The following PCDH9 variants were observed in gnomAD, a reference collection of about 807,000 sequenced individuals.
The protein encoded by PCDH9 is protocadherin 9.
A neutral mutation model predicts 70.6 loss-of-function variants in PCDH9; 24 were observed. That is an observed-to-expected ratio of 0.34 (90% CI 0.25 to 0.48). The LOEUF is 0.48. Among genes scored for constraint, PCDH9 ranks in the 20% least tolerant of loss-of-function variants. The pLI is 0.99. For missense variants in PCDH9, 1,281 were observed against 1,503.6 expected (o/e 0.85, Z 2.45); for synonymous variants, 562 against 558.5 (o/e 1.01, Z -0.09).
intron 2 of PCDH9, among the ~76,000 whole-genome samples, chr13:67,196,488 T>G (rs1300019775): frequency 6.6e-6 from 1 of 152,022 alleles, no homozygotes; most frequent in Non-Finnish European, 1.5e-5. Flanking sequence ...AACAAAAACA[T>G]ACTAATTCAT....
At chr13:66,475,063 A>T (rs776783543) in intron 4 of PCDH9, among the ~76,000 whole-genome samples, 1 of 152,152 alleles carries the variant, frequency 6.6e-6, no homozygotes, top group Non-Finnish European at 1.5e-5. Flanking sequence ...AAGGACTTCC[A>T]GACTGGTAGA....
At chr13:66,981,073 C>T (rs945108664) in intron 2 of PCDH9, among the ~76,000 whole-genome samples, 62 of 152,032 alleles carry the variant, frequency 4.1e-4, no homozygotes, top group African/African-American at 1.5e-3. Flanking sequence ...TAACAGAATA[C>T]ACAAATAAAC....
chr13:66,484,890 TA>T (rs1225335708), intron 4 of PCDH9, among the ~76,000 whole-genome samples: 1 of 152,204 alleles, frequency 6.6e-6, no homozygotes, highest in Non-Finnish European at 1.5e-5. Context: ...GAGTGCTTTG[TA>T]AAATGAAGCA....
At chr13:66,668,000 A>C (rs947846763) in intron 3 of PCDH9, among the ~76,000 whole-genome samples, 5 of 152,180 alleles carry the variant, frequency 3.3e-5, no homozygotes, top group African/African-American at 1.2e-4. Context: ...TTGCACATCT[A>C]ATTTTACAGT....
chr13:67,003,708 C>A (rs2084290736), intron 2 of PCDH9, among the ~76,000 whole-genome samples: 1 of 152,172 alleles, frequency 6.6e-6, no homozygotes, highest in Non-Finnish European at 1.5e-5. Flanking sequence ...AGCCTGTCCC[C>A]ACTGCGAAAT....
intron 4 of PCDH9, among the ~76,000 whole-genome samples, chr13:66,459,362 T>C (rs1408887943): frequency 6.6e-6 from 1 of 152,022 alleles, no homozygotes; most frequent in East Asian, 1.9e-4. Context: ...ATTTATAACA[T>C]TGGGTAAGAT....
intron 2 of PCDH9, among the ~76,000 whole-genome samples, chr13:67,178,070 A>G (rs887101400): frequency 3.9e-5 from 6 of 152,070 alleles, no homozygotes; most frequent in African/African-American, 1.2e-4. Context: ...AACAGGCACT[A>G]AATGCTATTG....
At chr13:66,980,722 TTTTC>T (rs1311929406) in intron 2 of PCDH9, among the ~76,000 whole-genome samples, 2 of 121,466 alleles carry the variant, frequency 1.6e-5, no homozygotes, top group African/African-American at 7.1e-5. Flanking sequence ...TTTCCTGTTT[TTTTC>T]TTTGTTTTTT....
At chr13:66,572,060 A>C (rs1343358189) in intron 4 of PCDH9, among the ~76,000 whole-genome samples, 1 of 152,092 alleles carries the variant, frequency 6.6e-6, no homozygotes, top group Non-Finnish European at 1.5e-5. Context: ...TCTTAAACTT[A>C]TGACTCTTTT....
intron 3 of PCDH9, among the ~76,000 whole-genome samples, chr13:66,803,131 G>A (rs1314254281): frequency 1.3e-5 from 2 of 152,096 alleles, no homozygotes; most frequent in African/African-American, 4.8e-5. Context: ...AATTAATTAT[G>A]ATGTCAGCCT....
At chr13:66,808,081 T>C (rs2080439406) in intron 3 of PCDH9, among the ~76,000 whole-genome samples, 2 of 152,140 alleles carry the variant, frequency 1.3e-5, no homozygotes, top group Non-Finnish European at 2.9e-5. Flanking sequence ...AATTTGCATC[T>C]GGATTTAGGC....
At chr13:66,544,653 A>T (rs1291262419) in intron 4 of PCDH9, among the ~76,000 whole-genome samples, 2 of 152,078 alleles carry the variant, frequency 1.3e-5, no homozygotes, top group Non-Finnish European at 2.9e-5. Context: ...CAAATTAAGG[A>T]GTGGTTTAAT....
intron 2 of PCDH9, among the ~76,000 whole-genome samples, chr13:67,087,456 A>G (rs2086131127): frequency 6.6e-6 from 1 of 152,184 alleles, no homozygotes; most frequent in Non-Finnish European, 1.5e-5. Flanking sequence ...CTTCCTTAAG[A>G]AATAAATTTT....
intron 4 of PCDH9, among the ~76,000 whole-genome samples, chr13:66,595,335 A>G (rs2077089935): frequency 6.6e-6 from 1 of 151,716 alleles, no homozygotes; most frequent in South Asian, 2.1e-4. Context: ...TAACCAACAC[A>G]CATGATCACC....
At chr13:67,072,881 A>C (rs1307869197) in intron 2 of PCDH9, among the ~76,000 whole-genome samples, 1 of 152,194 alleles carries the variant, frequency 6.6e-6, no homozygotes, top group East Asian at 1.9e-4. Context: ...ACTGCTGGAA[A>C]GTTTCAAAAA....
chr13:67,214,005 C>G (rs1187857769), intron 2 of PCDH9: 1 of 152,134 alleles, frequency 6.6e-6, no homozygotes, highest in Admixed American at 6.5e-5. Flanking sequence ...GTAACTTTAT[C>G]GTGATGGTTT....
intron 2 of PCDH9, among the ~76,000 whole-genome samples, chr13:67,158,628 A>G (rs1306635218): frequency 6.6e-6 from 1 of 152,216 alleles, no homozygotes; most frequent in East Asian, 1.9e-4. Context: ...ACCAGACACC[A>G]GATCTGCCAG....
At chr13:66,460,125 A>G (rs2138450219) in intron 4 of PCDH9, among the ~76,000 whole-genome samples, 1 of 151,774 alleles carries the variant, frequency 6.6e-6, no homozygotes, top group South Asian at 2.1e-4. Flanking sequence ...ACTTCCATGC[A>G]GAGATATAAA....
chr13:66,353,864 T>C (rs1369809863), intron 4 of PCDH9, among the ~76,000 whole-genome samples: 1 of 152,134 alleles, frequency 6.6e-6, no homozygotes, highest in Non-Finnish European at 1.5e-5. Flanking sequence ...AAGAGAAAAT[T>C]GTAAATATCG....
Sources: gnomAD v4.1 joint callset for allele counts (sites outside exome capture counted in the v4.1 genomes callset) on GRCh38, gnomAD v4.1.1 for gene constraint, MANE v1.5 for transcripts, NCBI Gene and HGNC (gene_info 2026-07-23, HGNC 2026-07-21) for gene names.